UEVLD: variants seen among roughly 807,000 people sequenced by gnomAD.
The protein encoded by UEVLD is ubiquitin-conjugating enzyme E2 variant 3.
In UEVLD, 47 loss-of-function variants were observed where a neutral mutation model predicts 58.6. The observed-to-expected ratio is 0.80, with a 90% confidence interval of 0.63 to 1.02. The LOEUF (loss-of-function observed/expected upper bound fraction) is 1.02. UEVLD is among the 50% of genes least tolerant of loss of function. The pLI, the probability that UEVLD is intolerant of heterozygous loss-of-function variation, is 0.00. For synonymous variants in UEVLD, 197 were observed against 195.3 expected (o/e 1.01, Z -0.07); for missense variants, 510 against 550.6 (o/e 0.93, Z 0.74).
In UEVLD at chr11:18,534,313, A is replaced by T; in HGVS notation, c.1248+17T>A. ...TCTAAGTTTAAAATATAATAAGAGA[A>T]TAAGAATAGCAATTACCTTTGCTAA... On this transcript the variant is annotated intron_variant, in intron 11 of 11. Coordinates refer to ENST00000396197, the MANE Select transcript of UEVLD (RefSeq NM_001040697.4). The T allele has an allele frequency of 6.7e-7, 1 of 1,485,642 alleles. No individual in the cohort carries two copies. The allele number at this position is 1,485,642 out of a possible 1,614,324, so 92.0% of individuals were successfully genotyped here. A position where few individuals can be genotyped will look rare whatever the true frequency, so the allele number is the denominator to read the frequency against.
At chr11:18,568,640 A>G (rs1457033252) in intron 4 of UEVLD, among the ~76,000 whole-genome samples, 2 of 152,228 alleles carry the variant, frequency 1.3e-5, no homozygotes, top group Admixed American at 6.5e-5. Context: ...TTCACAAAGT[A>G]AAATGTCAAC....
intron 3 of UEVLD, among the ~76,000 whole-genome samples, chr11:18,573,764 G>A (rs1024608583): frequency 6.6e-6 from 1 of 152,176 alleles, no homozygotes; most frequent in Non-Finnish European, 1.5e-5. Flanking sequence ...ATGACTGGGG[G>A]TGGGGAGTGG....
intron 1 of UEVLD, among the ~76,000 whole-genome samples, chr11:18,585,288 T>C (rs551894067): frequency 1.7e-3 from 260 of 152,346 alleles, no homozygotes; most frequent in Non-Finnish European, 2.6e-3. Flanking sequence ...TTGCATATTC[T>C]GAGCCTATAA....
intron 1 of UEVLD, among the ~76,000 whole-genome samples, chr11:18,580,045 T>A (rs1362425846): frequency 6.7e-6 from 1 of 149,698 alleles, no homozygotes; most frequent in Non-Finnish European, 1.5e-5. Context: ...CTTTTTTTTT[T>A]TTTTTTTTTT....
At chr11:18,588,132 G>A (rs1853677172) in intron 1 of UEVLD, among the ~76,000 whole-genome samples, 1 of 152,146 alleles carries the variant, frequency 6.6e-6, no homozygotes, top group African/African-American at 2.4e-5. Flanking sequence ...TGCAGTCAAA[G>A]GGGCTCACAG....
chr11:18,549,986 T>C (rs1239997671), intron 7 of UEVLD, among the ~76,000 whole-genome samples: 1 of 151,476 alleles, frequency 6.6e-6, no homozygotes, highest in Admixed American at 6.6e-5. Flanking sequence ...CATTCCCAGC[T>C]AATTTTTGGA....
intron 8 of UEVLD, among the ~76,000 whole-genome samples, chr11:18,545,076 T>TATATATA (rs72240623): frequency 0.012 from 396 of 34,388 alleles, 4 homozygotes; most frequent in Middle Eastern, 0.031. Context: ...ATATCTATAT[T>TATATATA]TTTTTTTTTT....
Position 18,588,708 on chromosome 11 carries a change from CGGACTTGCTGCA to C in UEVLD, c.-66_-55del. On this transcript the variant is annotated 5_prime_UTR_variant, in exon 1 of 12. Transcript: ENST00000396197. ...GGACTCCAGCCCCCGGACCTTCTTC[CGGACTTGCTGCA>C]GGACGGAAGCCGCTGAGGACCAAAC... 3.2e-6 allele frequency: 5 copies of C among 1,586,926 alleles called. No individual in the cohort carries two copies. The highest frequency in any genetic ancestry group is 2.3e-5 in the East Asian group (1 of 44,308).
chr11:18,582,244 T>C (rs2134070423), intron 1 of UEVLD, among the ~76,000 whole-genome samples: 1 of 152,318 alleles, frequency 6.6e-6, no homozygotes. Flanking sequence ...TACACAAGTT[T>C]CTCAAAGGCA....
chr11:18,545,071 TA>T lies in UEVLD; in HGVS notation c.887-276del, dbSNP rs1240370672. ...CTATATCTATATCTATATCTATATC[TA>T]TATTTTTTTTTTTTTTTTGAGATGG... On this transcript the variant is annotated intron_variant, in intron 8 of 11. Transcript: ENST00000396197. 1.3e-3 allele frequency among the ~76,000 whole-genome samples: 45 copies of T among 35,830 alleles called. 1 individual carries two copies. Among genetic ancestry groups the T allele is most frequent in the Admixed American group, 4.2e-3 (13 of 3,100 alleles). 23.5% of individuals were successfully genotyped at this position (35,830 alleles called of 152,430 possible).
At chr11:18,578,326 G>A (rs1347203393) in intron 2 of UEVLD, among the ~76,000 whole-genome samples, 2 of 152,178 alleles carry the variant, frequency 1.3e-5, no homozygotes, top group East Asian at 1.9e-4. Context: ...AGGAATGTGG[G>A]TGACCTCTAG....
At chr11:18,568,961 C>T (rs1270231246) in intron 4 of UEVLD, among the ~76,000 whole-genome samples, 2 of 152,068 alleles carry the variant, frequency 1.3e-5, no homozygotes, top group Non-Finnish European at 2.9e-5. Flanking sequence ...GTGGTGCAAT[C>T]TTGGCTCACT....
At chr11:18,534,086 C>T (rs1323827402) in intron 11 of UEVLD, among the ~76,000 whole-genome samples, 2 of 152,194 alleles carry the variant, frequency 1.3e-5, no homozygotes, top group African/African-American at 4.8e-5. Context: ...GTGGTTGTCA[C>T]ATGCCTGGCA....
intron 1 of UEVLD, among the ~76,000 whole-genome samples, chr11:18,580,149 G>C (rs988955659): frequency 4.6e-5 from 7 of 150,720 alleles, no homozygotes; most frequent in African/African-American, 1.7e-4. Flanking sequence ...AACAGCTGGT[G>C]GATTCATACT....
intron 7 of UEVLD, among the ~76,000 whole-genome samples, chr11:18,555,119 G>A (rs1851704103): frequency 6.6e-6 from 1 of 151,898 alleles, no homozygotes. Context: ...GTGGGACCCT[G>A]TCTCTACAAA....
At chr11:18,568,253 T>C (rs951613538) in intron 4 of UEVLD, among the ~76,000 whole-genome samples, 2 of 152,208 alleles carry the variant, frequency 1.3e-5, no homozygotes, top group Non-Finnish European at 2.9e-5. Flanking sequence ...ATTATAAGAC[T>C]ATCCCCGAGG....
At chr11:18,579,395 C>G (rs1448760987) in intron 1 of UEVLD, 3 of 966,250 alleles carry the variant, frequency 3.1e-6, no homozygotes, top group South Asian at 9.6e-5. Context: ...GGACCAGAGT[C>G]TTTAATCTCT....
At chr11:18,577,313 A>T (rs1188940886) in intron 2 of UEVLD, among the ~76,000 whole-genome samples, 2 of 152,240 alleles carry the variant, frequency 1.3e-5, no homozygotes, top group Non-Finnish European at 2.9e-5. Context: ...CCAGAAGAAA[A>T]ACTGCCAGCA....
At chr11:18,583,070 G>C (rs180992244) in intron 1 of UEVLD, among the ~76,000 whole-genome samples, 11 of 147,552 alleles carry the variant, frequency 7.5e-5, no homozygotes, top group Admixed American at 4.8e-4. Context: ...TTACAGATGC[G>C]CATCACCACA....
Sources: allele counts gnomAD v4.1 joint callset (sites outside exome capture counted in the v4.1 genomes callset), GRCh38; gene constraint gnomAD v4.1.1; transcripts MANE v1.5; gene names NCBI Gene and HGNC (gene_info 2026-07-23, HGNC 2026-07-21).